Variants in DLG2 observed in about 807,000 individuals in gnomAD.
DLG2 encodes discs large MAGUK scaffold protein 2.
Under a neutral mutation model 132.5 loss-of-function variants are expected in DLG2, and 45 were observed. That is an observed-to-expected ratio of 0.34 (90% CI 0.27 to 0.44). DLG2 has a LOEUF of 0.44. DLG2 is among the 20% of genes least tolerant of loss of function. DLG2 has a pLI of 1.00. For missense variants in DLG2, 1,045 were observed against 1,196.9 expected (o/e 0.87, Z 1.87); for synonymous variants, 424 against 419.6 (o/e 1.01, Z -0.13).
intron 3 of DLG2, among the ~76,000 whole-genome samples, chr11:85,310,531 T>A (rs560485101): frequency 1.3e-5 from 2 of 151,970 alleles, no homozygotes; most frequent in African/African-American, 4.8e-5. Flanking sequence ...CCAGCAGATG[T>A]CTTGGGCATC....
intron 11 of DLG2, among the ~76,000 whole-genome samples, chr11:84,007,786 T>A (rs574798901): frequency 5.7e-4 from 86 of 151,882 alleles, no homozygotes; most frequent in African/African-American, 2.0e-3. Flanking sequence ...TGTAATATGT[T>A]GTTTAGCTTC....
intron 10 of DLG2, among the ~76,000 whole-genome samples, chr11:84,078,592 A>T (rs2096859684): frequency 6.6e-6 from 1 of 152,220 alleles, no homozygotes; most frequent in African/African-American, 2.4e-5. Flanking sequence ...AAGAACCATC[A>T]TAAAGCTGCA....
intron 3 of DLG2, among the ~76,000 whole-genome samples, chr11:85,322,999 A>G (rs1239434042): frequency 6.6e-6 from 1 of 152,198 alleles, no homozygotes; most frequent in South Asian, 2.1e-4. Context: ...TAACTTTTTA[A>G]TGACTGTTCA....
chr11:85,489,746 A>T (rs1210085781), intron 3 of DLG2, among the ~76,000 whole-genome samples: 1 of 152,180 alleles, frequency 6.6e-6, no homozygotes, highest in Non-Finnish European at 1.5e-5. Context: ...TAAAACTAGA[A>T]ATCAACACCA....
chr11:84,480,156 A>C (rs2099132854), intron 7 of DLG2, among the ~76,000 whole-genome samples: 1 of 152,316 alleles, frequency 6.6e-6, no homozygotes, highest in South Asian at 2.1e-4. Context: ...GCAACCTGAA[A>C]ACAATATGGA....
chr11:84,823,440 AC>A (rs1408582372), intron 6 of DLG2, among the ~76,000 whole-genome samples: 1 of 151,556 alleles, frequency 6.6e-6, no homozygotes, highest in African/African-American at 2.4e-5. Flanking sequence ...CCAGCCTCTA[AC>A]CTTTTTACTT....
chr11:83,607,128 C>G (rs1310634222), intron 19 of DLG2, among the ~76,000 whole-genome samples: 1 of 152,118 alleles, frequency 6.6e-6, no homozygotes, highest in Admixed American at 6.5e-5. Flanking sequence ...GGTACAGTAA[C>G]AGCTGGATTG....
intron 6 of DLG2, among the ~76,000 whole-genome samples, chr11:85,098,640 AT>A (rs2070323261): frequency 6.6e-6 from 1 of 152,348 alleles, no homozygotes; most frequent in East Asian, 1.9e-4. Flanking sequence ...TCAACAAAGT[AT>A]TAGCATCTTT....
chr11:84,155,996 G>T (rs1241632074), intron 9 of DLG2, among the ~76,000 whole-genome samples: 1 of 152,206 alleles, frequency 6.6e-6, no homozygotes, highest in South Asian at 2.1e-4. Context: ...AAGGATGAAG[G>T]TATGCCATTT....
chr11:84,000,655 A>G (rs2094299452), intron 11 of DLG2, among the ~76,000 whole-genome samples: 1 of 152,164 alleles, frequency 6.6e-6, no homozygotes, highest in African/African-American at 2.4e-5. Flanking sequence ...CCACTAGACT[A>G]AAATTGGTTT....
intron 14 of DLG2, among the ~76,000 whole-genome samples, chr11:83,956,146 C>T (rs1411954546): frequency 2.6e-5 from 4 of 152,152 alleles, no homozygotes; most frequent in African/African-American, 9.7e-5. Flanking sequence ...GCTCCCCTCC[C>T]TGCTGAGAGA....
chr11:85,311,907 C>T (rs2080338677), intron 3 of DLG2, among the ~76,000 whole-genome samples: 1 of 151,982 alleles, frequency 6.6e-6, no homozygotes. Flanking sequence ...AGTATGCTGC[C>T]AAGAACCACA....
chr11:83,610,590 T>A (rs543742399), intron 19 of DLG2, among the ~76,000 whole-genome samples: 4 of 152,232 alleles, frequency 2.6e-5, no homozygotes, highest in Non-Finnish European at 5.9e-5. Flanking sequence ...GAGGTAATAT[T>A]TATTAAGCAC....
intron 3 of DLG2, among the ~76,000 whole-genome samples, chr11:85,450,444 C>T (rs892673077): frequency 1.3e-5 from 2 of 152,118 alleles, no homozygotes; most frequent in Non-Finnish European, 2.9e-5. Context: ...TTAGCAAATG[C>T]CCTCTAGATA....
At chr11:85,192,736 G>A (rs553575516) in intron 4 of DLG2, among the ~76,000 whole-genome samples, 3 of 151,998 alleles carry the variant, frequency 2.0e-5, no homozygotes, top group East Asian at 1.9e-4. Context: ...TCATTGTCCC[G>A]TATCATTCCT....
At chr11:84,687,736 A>C (rs2099739354) in intron 6 of DLG2, among the ~76,000 whole-genome samples, 1 of 152,218 alleles carries the variant, frequency 6.6e-6, no homozygotes, top group Non-Finnish European at 1.5e-5. Context: ...AATTTCTTGA[A>C]GATCATAACT....
chr11:83,711,692 T>C (rs372747603), intron 18 of DLG2, among the ~76,000 whole-genome samples: 30 of 152,176 alleles, frequency 2.0e-4, no homozygotes, highest in Admixed American at 1.9e-3. Context: ...AAGTATCATG[T>C]CTAGACTCCA....
At chr11:85,545,085 C>T (rs963291556) in intron 3 of DLG2, among the ~76,000 whole-genome samples, 1 of 152,170 alleles carries the variant, frequency 6.6e-6, no homozygotes, top group Admixed American at 6.5e-5. Flanking sequence ...AAAGGGAATG[C>T]TTCCAGTTTT....
At chr11:84,747,108 T>C (rs887759893) in intron 6 of DLG2, among the ~76,000 whole-genome samples, 4 of 152,142 alleles carry the variant, frequency 2.6e-5, no homozygotes, top group African/African-American at 9.7e-5. Context: ...CTAAGGTACA[T>C]GGGTTTTGTA....
Sources: gnomAD v4.1 joint callset for allele counts (sites outside exome capture counted in the v4.1 genomes callset) on GRCh38, gnomAD v4.1.1 for gene constraint, MANE v1.5 for transcripts, NCBI Gene and HGNC (gene_info 2026-07-23, HGNC 2026-07-21) for gene names.